The following RNF217 variants were observed in gnomAD, a reference collection of about 807,000 sequenced individuals.
RNF217 encodes ring finger protein 217, also known as E3 ubiquitin-protein ligase RNF217.
In RNF217, 31 loss-of-function variants were observed where a neutral mutation model predicts 57.8. The ratio of observed to expected loss-of-function variants is 0.54; its 90% CI spans 0.40 to 0.72. RNF217 has a LOEUF of 0.72. Ranked by LOEUF, RNF217 falls within the 30% of genes least tolerant of loss-of-function variation. The probability of loss-of-function intolerance (pLI) is 0.00; values close to 1 mark genes in which losing one functional copy is unlikely to be tolerated. For missense variants in RNF217, 696 were observed against 708.3 expected (o/e 0.98, Z 0.20); for synonymous variants, 313 against 294.0 (o/e 1.06, Z -0.66).
At position 124,963,101 on chromosome 6, in the gene RNF217, C is replaced by T; in HGVS notation, c.557C>T (p.Ala186Val). 3.9e-6 allele frequency: 6 copies of T among 1,541,164 alleles called. No homozygotes were observed. Among genetic ancestry groups the T allele is most frequent in the Non-Finnish European group, 5.2e-6 (6 of 1,150,330 alleles). Residue 186 changes from alanine (A) to valine (V), a missense_variant, in exon 1 of 6, where the codon GCG becomes GTG. Transcript: ENST00000521654. ...GCCTCGGAGCAGCTCTCGCCGCCCG[C>T]GTCGCCACCTGGGGCTCCGCCAGTG... ...APASEQLSPP[A>V]SPPGAPPVLN...
At chr6:124,999,845 T>C (rs1187808924) in intron 1 of RNF217, among the ~76,000 whole-genome samples, 1 of 152,192 alleles carries the variant, frequency 6.6e-6, no homozygotes, top group East Asian at 1.9e-4. Context: ...ATTTCTCTTA[T>C]ACAGATAAAC....
Position 125,088,472 on chromosome 6 carries a change from A to G in RNF217, c.*5535A>G, listed in dbSNP as rs1281577655. On this transcript the variant is annotated 3_prime_UTR_variant, in exon 6 of 6. Coordinates refer to ENST00000521654, the MANE Select transcript of RNF217 (RefSeq NM_001286398.3). ...GGTTGACTTCATCCAAATCCAAGAAACAGAGTCACAGTAGTGAGACTATTC... is the reference window on the plus strand; with the variant it reads ...GGTTGACTTCATCCAAATCCAAGAAGCAGAGTCACAGTAGTGAGACTATTC... The G allele has an allele frequency of 6.6e-6, 1 of 152,162 alleles. No homozygotes were observed. Among genetic ancestry groups the G allele is most frequent in the Non-Finnish European group, 1.5e-5 (1 of 68,030 alleles). 9.4% of individuals were successfully genotyped at this position (152,162 alleles called of 1,614,324 possible). A position where few individuals can be genotyped will look rare whatever the true frequency, so the allele number is the denominator to read the frequency against.
chr6:125,033,719 A>G (rs2114481232), intron 1 of RNF217, among the ~76,000 whole-genome samples: 1 of 152,018 alleles, frequency 6.6e-6, no homozygotes, highest in East Asian at 1.9e-4. Context: ...CAGTAATGGG[A>G]TGGCTGGGTC....
intron 1 of RNF217, among the ~76,000 whole-genome samples, chr6:125,026,591 G>A (rs1018033948): frequency 6.6e-6 from 1 of 152,090 alleles, no homozygotes; most frequent in Non-Finnish European, 1.5e-5. Context: ...ATGACAAAAG[G>A]TATTCCTGTT....
intron 1 of RNF217, among the ~76,000 whole-genome samples, chr6:125,028,785 T>G (rs1786223443): frequency 6.6e-6 from 1 of 152,124 alleles, no homozygotes; most frequent in Admixed American, 6.6e-5. Flanking sequence ...TTAGTTTTAC[T>G]TATTATTTAC....
At chr6:125,053,820 G>T (rs1367643036) in intron 2 of RNF217, among the ~76,000 whole-genome samples, 5 of 152,044 alleles carry the variant, frequency 3.3e-5, no homozygotes, top group Non-Finnish European at 7.4e-5. Flanking sequence ...AAGATTCTTA[G>T]CTCTGATAAC....
At chr6:124,969,087 C>A (rs1164316699) in intron 1 of RNF217, among the ~76,000 whole-genome samples, 2 of 152,142 alleles carry the variant, frequency 1.3e-5, no homozygotes, top group Admixed American at 6.5e-5. Flanking sequence ...TGCTTTCTCT[C>A]TGGGAGATTT....
intron 5 of RNF217, among the ~76,000 whole-genome samples, 169 bp downstream of exon 5, chr6:125,081,676 T>A (rs1788581580): frequency 6.6e-6 from 1 of 152,142 alleles, no homozygotes; most frequent in Admixed American, 6.6e-5. Flanking sequence ...GGAGCGTGTT[T>A]CCTGTAGGAT....
In RNF217 at chr6:125,087,278, A is replaced by C. The variant is rs1788797718; in HGVS notation, c.*4341A>C. On this transcript the variant is annotated 3_prime_UTR_variant, in exon 6 of 6. Transcript: ENST00000521654. ...AACCTTAATTGGCATACTTTACTAC[A>C]AAAATAAGAAAATGTATGCCAAAAA... 1 of 152,102 alleles carries C rather than the reference A, an allele frequency of 6.6e-6. No individual in the cohort carries two copies. The highest frequency in any genetic ancestry group is 2.4e-5 in the African/African-American group (1 of 41,440). The allele number at this position is 152,102 out of a possible 1,614,324, so 9.4% of individuals were successfully genotyped here.
chr6:125,074,728 A>G (rs1788301150), intron 3 of RNF217, among the ~76,000 whole-genome samples: 1 of 152,078 alleles, frequency 6.6e-6, no homozygotes, highest in Non-Finnish European at 1.5e-5. Context: ...TTATAACTAC[A>G]CTACTTCAGA....
chr6:125,057,990 C>G lies in RNF217; in HGVS notation c.1165C>G (p.Pro389Ala), dbSNP rs201025136. The G allele has an allele frequency of 2.5e-4, 401 of 1,612,496 alleles. No individual in the cohort carries two copies. The highest frequency in any genetic ancestry group is 3.2e-4 in the Non-Finnish European group (372 of 1,179,222). Reference sequence around the variant, plus strand: ...CGTCTGGTGTTTTAAGTGCCACTCTCCTTGGCATGAAGGTGTTAACTGCAA... The same window carrying G: ...CGTCTGGTGTTTTAAGTGCCACTCTGCTTGGCATGAAGGTGTTAACTGCAA... ...QFVWCFKCHS[P>A]WHEGVNCKEY... The change falls in exon 3 of 6, where the codon CCT becomes GCT. Residue 389 changes from proline to alanine, a missense_variant. Around this residue, in one of 2 missense-constraint regions of RNF217, gnomAD observed 231 missense variants for 321.4 expected, o/e 0.72. Coordinates refer to ENST00000521654, the MANE Select transcript of RNF217 (RefSeq NM_001286398.3).
At chr6:125,078,225 T>C (rs924145797) in intron 4 of RNF217, among the ~76,000 whole-genome samples, 5 of 152,192 alleles carry the variant, frequency 3.3e-5, no homozygotes, top group African/African-American at 1.2e-4. Flanking sequence ...GAATCTAACC[T>C]TAACCTCTAA....
At chr6:125,019,390 C>T (rs972202404) in intron 1 of RNF217, among the ~76,000 whole-genome samples, 1 of 152,142 alleles carries the variant, frequency 6.6e-6, no homozygotes, top group African/African-American at 2.4e-5. Context: ...CTCCATCCAT[C>T]CTCTCGATAG....
chr6:125,054,343 G>A lies in RNF217; in HGVS notation c.1117-3599G>A, dbSNP rs186517768. Among the ~76,000 whole-genome samples, 99 of 152,280 alleles carry A rather than the reference G, an allele frequency of 6.5e-4. 1 individual carries two copies. The highest frequency in any genetic ancestry group is 3.9e-3 in the South Asian group (19 of 4,828). ...TGAGGTTTAGTCTAAGGCTCCATGG[G>A]GAGCAGGAAGGGCAGGAAAATACTC... On this transcript the variant is annotated intron_variant, in intron 2 of 5. Coordinates refer to ENST00000521654, the MANE Select transcript of RNF217 (RefSeq NM_001286398.3).
chr6:124,995,654 G>C lies in RNF217; in HGVS notation c.882+32228G>C, dbSNP rs1188589693. Among the ~76,000 whole-genome samples, 5 of 152,262 alleles carry C rather than the reference G, an allele frequency of 3.3e-5. No homozygotes were observed. The East Asian group carries it at 9.7e-4, about 29-fold the overall frequency. On this transcript the variant is annotated intron_variant, in intron 1 of 5. Coordinates refer to ENST00000521654, the MANE Select transcript of RNF217 (RefSeq NM_001286398.3). ...AAACATTTGGAGGGCGGGTGCTGTG[G>C]CTCATGCCTGTAATCCCAGCACTTT... is the stretch of plus-strand genomic sequence containing the variant.
chr6:125,053,214 G>A (rs567226451), intron 2 of RNF217, among the ~76,000 whole-genome samples: 2 of 152,160 alleles, frequency 1.3e-5, no homozygotes, highest in South Asian at 4.1e-4. Flanking sequence ...CTTCTATTCT[G>A]GCAGTTACTA....
intron 2 of RNF217, among the ~76,000 whole-genome samples, chr6:125,054,125 T>C (rs997392387): frequency 3.3e-5 from 5 of 152,096 alleles, no homozygotes; most frequent in Admixed American, 6.6e-5. Flanking sequence ...TTGTGGGCTG[T>C]TGGAGAGATT....
rs2114586935 is a variant in RNF217 at position 125,058,069 on chromosome 6, A to C, written c.1244A>C (p.His415Pro). 6.2e-7 allele frequency: 1 copy of C among 1,613,618 alleles called. No individual in the cohort carries two copies. The highest frequency in any genetic ancestry group is 8.5e-7 in the Non-Finnish European group (1 of 1,179,748). The change falls in exon 3 of 6, where the codon CAT becomes CCT. Residue 415 changes from histidine (H) to proline (P), a missense_variant. Around this residue, in one of 2 missense-constraint regions of RNF217, gnomAD observed 231 missense variants for 321.4 expected, o/e 0.72. Coordinates refer to ENST00000521654, the MANE Select transcript of RNF217 (RefSeq NM_001286398.3). The stretch of plus-strand genomic sequence containing the variant: ...CGTCACTGGGCCAGCGAAATTGAGC[A>C]TGGGCAGAGGAATGCCCAGAAGTGT... Reference protein sequence around the residue: ...LLRHWASEIEHGQRNAQKCPK... With the variant: ...LLRHWASEIEPGQRNAQKCPK...
chr6:124,973,359 T>A (rs1200817786), intron 1 of RNF217, among the ~76,000 whole-genome samples: 1 of 152,206 alleles, frequency 6.6e-6, no homozygotes, highest in Non-Finnish European at 1.5e-5. Flanking sequence ...CTGTTAAGGT[T>A]CTTAGAGTCC....
Sources: allele counts gnomAD v4.1 joint callset (sites outside exome capture counted in the v4.1 genomes callset), GRCh38; gene constraint gnomAD v4.1.1; regional missense constraint gnomAD v4.1.1; transcripts MANE v1.5; gene names NCBI Gene and HGNC (gene_info 2026-07-23, HGNC 2026-07-21).